PTPRO: variants seen among roughly 807,000 people sequenced by gnomAD.
PTPRO encodes protein tyrosine phosphatase receptor type O.
PTPRO carries 62 observed loss-of-function variants against 145.2 expected under a neutral mutation model. The observed-to-expected ratio is 0.43, with a 90% confidence interval of 0.35 to 0.53. The LOEUF is 0.53. Among genes scored for constraint, PTPRO ranks in the 20% least tolerant of loss-of-function variants. The probability of loss-of-function intolerance (pLI) is 0.01; values close to 1 mark genes in which losing one functional copy is unlikely to be tolerated. For missense variants in PTPRO, 1,345 were observed against 1,482.7 expected, an observed-to-expected ratio of 0.91 and a Z score of 1.53; for synonymous variants, 565 against 514.7, an observed-to-expected ratio of 1.10 and a Z score of -1.32.
intron 12 of PTPRO, among the ~76,000 whole-genome samples, chr12:15,540,391 T>C (rs1943157547): frequency 6.6e-6 from 1 of 152,224 alleles, no homozygotes; most frequent in South Asian, 2.1e-4. Context: ...AGGCTAAAGA[T>C]TGAAAATAAA....
chr12:15,589,319 T>A (rs1944494612), intron 24 of PTPRO, 136 bp from the exon 25 acceptor site: 1 of 1,184,644 alleles, frequency 8.4e-7, no homozygotes, highest in Non-Finnish European at 1.2e-6. Context: ...GAGGTTGCAG[T>A]GAGCCGAGAT....
intron 19 of PTPRO, among the ~76,000 whole-genome samples, chr12:15,572,878 G>A (rs1363806454): frequency 6.6e-6 from 1 of 151,972 alleles, no homozygotes; most frequent in African/African-American, 2.4e-5. Context: ...CTTAGGAGGA[G>A]GATGCTAACA....
chr12:15,496,134 CTTTTTTTGTTTTTTT>C (rs1942098422), intron 2 of PTPRO, among the ~76,000 whole-genome samples: 1 of 93,142 alleles, frequency 1.1e-5, no homozygotes, highest in Admixed American at 1.5e-4. Flanking sequence ...TTTTTCTTTT[CTTTTTTTGTTTTTTT>C]TTTTTTTTTT....
intron 1 of PTPRO, among the ~76,000 whole-genome samples, chr12:15,473,303 C>T (rs2136420133): frequency 6.6e-6 from 1 of 152,246 alleles, no homozygotes; most frequent in South Asian, 2.1e-4. Flanking sequence ...TGTGCCTCTG[C>T]TCACACCTAG....
intron 7 of PTPRO, among the ~76,000 whole-genome samples, chr12:15,509,495 G>T (rs1447773346): frequency 6.6e-6 from 1 of 151,648 alleles, no homozygotes; most frequent in Non-Finnish European, 1.5e-5. Flanking sequence ...TCAGGAGTTC[G>T]AGACCAGCCT....
intron 2 of PTPRO, among the ~76,000 whole-genome samples, chr12:15,487,504 G>A (rs1443584345): frequency 6.6e-6 from 1 of 152,198 alleles, no homozygotes; most frequent in Non-Finnish European, 1.5e-5. Flanking sequence ...TTCAGGAAAG[G>A]TCCAGGGAAG....
chr12:15,588,281 C>G lies in PTPRO; in HGVS notation c.3411-1174C>G, dbSNP rs534933813. On this transcript the variant is annotated intron_variant, in intron 24 of 26. Coordinates refer to ENST00000281171, the MANE Select transcript of PTPRO (RefSeq NM_030667.3). ...AGAGTTGTCTAGTAGAAAAAGCAACCCTTAAACTCAAGGTTTATAGAGTGG... is the reference window on the plus strand; with the variant it reads ...AGAGTTGTCTAGTAGAAAAAGCAACGCTTAAACTCAAGGTTTATAGAGTGG... Among the ~76,000 whole-genome samples the G allele has an allele frequency of 2.6e-5, 4 of 152,190 alleles. No individual in the cohort carries two copies. In the South Asian group the frequency reaches 8.3e-4, roughly 32 times the overall value.
At chr12:15,580,216 C>A (rs1944280765) in intron 21 of PTPRO, 101 bp downstream of exon 21, 3 of 906,978 alleles carry the variant, frequency 3.3e-6, no homozygotes, top group Non-Finnish European at 5.3e-6. Flanking sequence ...AGAGCCTTTC[C>A]CAACCCAGCA....
chr12:15,462,986 T>C (rs1487725775), intron 1 of PTPRO, among the ~76,000 whole-genome samples: 1 of 152,132 alleles, frequency 6.6e-6, no homozygotes, highest in African/African-American at 2.4e-5. Flanking sequence ...TGTTATATAC[T>C]ATATATATAA....
chr12:15,475,333 T>C (rs934484934), intron 1 of PTPRO, among the ~76,000 whole-genome samples: 170 of 152,360 alleles, frequency 1.1e-3, no homozygotes, highest in Non-Finnish European at 2.2e-3. Flanking sequence ...TGCTACTGGT[T>C]ACTCAGTGCC....
chr12:15,490,010 A>G (rs575175556), intron 2 of PTPRO, among the ~76,000 whole-genome samples: 26 of 152,346 alleles, frequency 1.7e-4, no homozygotes, highest in African/African-American at 6.0e-4. Flanking sequence ...CCAGAAAATA[A>G]CAAGAAAGGT....
chr12:15,455,217 A>C (rs1292811035), intron 1 of PTPRO, among the ~76,000 whole-genome samples: 8 of 152,060 alleles, frequency 5.3e-5, no homozygotes, highest in Non-Finnish European at 1.2e-4. Flanking sequence ...TATACCACTT[A>C]TACCTGCTTA....
intron 1 of PTPRO, among the ~76,000 whole-genome samples, chr12:15,389,600 C>A (rs1939132935): frequency 6.6e-6 from 1 of 152,140 alleles, no homozygotes; most frequent in Admixed American, 6.5e-5. Flanking sequence ...TGCTGTTATC[C>A]ATTTAATGTG....
Position 15,501,802 on chromosome 12 carries a change from G to T in PTPRO, c.844G>T (p.Gly282Cys). 6.2e-7 allele frequency: 1 copy of T among 1,614,060 alleles called. No homozygotes were observed. The highest frequency in any genetic ancestry group is 8.5e-7 in the Non-Finnish European group (1 of 1,180,002). ...AATTCCCTCGGGCAACATTTCTTCC[G>T]GTTGGCCTGATTTTAATAGCAGTGA... The part of the protein sequence containing the change: ...PEIPSGNISS[G>C]WPDFNSSDYE... Residue 282 changes from glycine (G) to cysteine (C), a missense_variant, in exon 5 of 27, where the codon GGT becomes TGT. Transcript: ENST00000281171.
At chr12:15,550,913 T>C (rs987943308) in intron 14 of PTPRO, among the ~76,000 whole-genome samples, 4 of 152,164 alleles carry the variant, frequency 2.6e-5, no homozygotes, top group African/African-American at 4.8e-5. Context: ...AGTCTTTATA[T>C]AGAGTACATG....
chr12:15,548,120 G>A (rs1943344932), intron 13 of PTPRO, among the ~76,000 whole-genome samples: 1 of 152,018 alleles, frequency 6.6e-6, no homozygotes, highest in African/African-American at 2.4e-5. Flanking sequence ...AAAGGTAAAG[G>A]TCAACAACCC....
At chr12:15,592,901 G>A (rs1944582552) in intron 25 of PTPRO, among the ~76,000 whole-genome samples, 2 of 152,136 alleles carry the variant, frequency 1.3e-5, no homozygotes, top group African/African-American at 4.8e-5. Context: ...GCTTTGCTTT[G>A]AGCAGCCCAT....
chr12:15,589,655 T>A, intron 25 of PTPRO, 65 bp downstream of exon 25: 3 of 1,572,104 alleles, frequency 1.9e-6, no homozygotes, highest in Non-Finnish European at 1.7e-6. Context: ...CATTATTCAA[T>A]GATATGCTTC....
chr12:15,358,052 T>A (rs1453044331), intron 1 of PTPRO, among the ~76,000 whole-genome samples: 12 of 151,734 alleles, frequency 7.9e-5, no homozygotes, highest in Admixed American at 7.2e-4. Context: ...AATACTATGC[T>A]GGCATAAAAA....
Sources: gnomAD v4.1 joint callset for allele counts (sites outside exome capture counted in the v4.1 genomes callset) on GRCh38, gnomAD v4.1.1 for gene constraint, MANE v1.5 for transcripts, NCBI Gene and HGNC (gene_info 2026-07-23, HGNC 2026-07-21) for gene names.